The following NEO1 variants were observed in gnomAD, a reference collection of about 807,000 sequenced individuals.
NEO1 encodes the protein neogenin.
A neutral mutation model predicts 159.7 loss-of-function variants in NEO1; 63 were observed. That is an observed-to-expected ratio of 0.39 (90% CI 0.32 to 0.49). The LOEUF (loss-of-function observed/expected upper bound fraction) is 0.49. Ranked by LOEUF, NEO1 falls within the 20% of genes least tolerant of loss-of-function variation. NEO1 has a pLI of 0.85. For synonymous variants in NEO1, 633 were observed against 662.0 expected (o/e 0.96, Z 0.67); for missense variants, 1,615 against 1,831.0 (o/e 0.88, Z 2.15).
chr15:73,143,958 G>C (rs1262337086), intron 5 of NEO1, among the ~76,000 whole-genome samples: 2 of 152,132 alleles, frequency 1.3e-5, no homozygotes, highest in Non-Finnish European at 2.9e-5. Context: ...ACAGGAACTG[G>C]TCTTACTCAT....
chr15:73,150,934 T>C (rs528254919), intron 5 of NEO1, among the ~76,000 whole-genome samples: 12 of 152,346 alleles, frequency 7.9e-5, no homozygotes, highest in Admixed American at 7.8e-4. Context: ...TCACAAAGCA[T>C]AACGTATTTG....
intron 1 of NEO1, among the ~76,000 whole-genome samples, chr15:73,106,893 A>G (rs1341357642): frequency 6.6e-6 from 1 of 152,182 alleles, no homozygotes. Context: ...AATAATTCCC[A>G]TTCTGTCTTA....
intron 7 of NEO1, among the ~76,000 whole-genome samples, chr15:73,200,175 T>G (rs781597919): frequency 1.3e-5 from 2 of 152,198 alleles, no homozygotes; most frequent in African/African-American, 2.4e-5. Flanking sequence ...AGTGCATTCT[T>G]TTTTTTGAAG....
intron 1 of NEO1, among the ~76,000 whole-genome samples, chr15:73,083,555 C>G (rs2069187564): frequency 6.6e-6 from 1 of 152,104 alleles, no homozygotes; most frequent in Admixed American, 6.6e-5. Context: ...GTATTTTTTA[C>G]TCTGCCTTCA....
At chr15:73,290,904 G>A (rs766441073) in intron 25 of NEO1, among the ~76,000 whole-genome samples, 2 of 152,154 alleles carry the variant, frequency 1.3e-5, no homozygotes, top group Non-Finnish European at 2.9e-5. Flanking sequence ...CTTCAAGCAC[G>A]TGGATGTCTG....
chr15:73,209,171 T>C (rs550689171), intron 7 of NEO1, among the ~76,000 whole-genome samples: 1 of 152,236 alleles, frequency 6.6e-6, no homozygotes, highest in Non-Finnish European at 1.5e-5. Context: ...AGAATAAATA[T>C]GTCTTTTCTT....
At chr15:73,289,753 G>T (rs1387902217) in intron 25 of NEO1, among the ~76,000 whole-genome samples, 1 of 152,066 alleles carries the variant, frequency 6.6e-6, no homozygotes, top group Non-Finnish European at 1.5e-5. Flanking sequence ...GACCAGCCTG[G>T]GCAATGTAGT....
intron 5 of NEO1, among the ~76,000 whole-genome samples, chr15:73,150,867 C>CT: frequency 1.3e-5 from 2 of 152,268 alleles, no homozygotes; most frequent in Non-Finnish European, 2.9e-5. Flanking sequence ...TTTGTCTGTC[C>CT]TAAAGCTTCT....
chr15:73,261,822 T>A (rs372290395), intron 15 of NEO1, among the ~76,000 whole-genome samples: 1 of 152,126 alleles, frequency 6.6e-6, no homozygotes, highest in South Asian at 2.1e-4. Context: ...TCAAAGGAAC[T>A]AGAATAGACA....
intron 1 of NEO1, among the ~76,000 whole-genome samples, chr15:73,094,469 G>C (rs913253630): frequency 7.2e-5 from 11 of 152,142 alleles, no homozygotes; most frequent in African/African-American, 2.4e-4. Context: ...ATTAGTTGAA[G>C]GACATTGGTT....
chr15:73,069,336 GAGCACAGATGTC>G (rs1183636577), intron 1 of NEO1, among the ~76,000 whole-genome samples: 2 of 151,896 alleles, frequency 1.3e-5, no homozygotes, highest in African/African-American at 4.8e-5. Context: ...CAGATTTTGG[GAGCACAGATGTC>G]AGCACGTTCT....
At chr15:73,208,888 TA>T (rs1230179123) in intron 7 of NEO1, among the ~76,000 whole-genome samples, 3 of 151,924 alleles carry the variant, frequency 2.0e-5, no homozygotes, top group Non-Finnish European at 2.9e-5. Context: ...AAAATAAAAA[TA>T]AAAACAAAAA....
At position 73,137,114 on chromosome 15, in the gene NEO1, CAT is replaced by C. The variant is rs919661673; in HGVS notation, c.1015+1094_1015+1095del. ...ACCTGGCCTTTAGTGCTTTCACAAA[CAT>C]ATATATTACCAGAGTGGTTGGTACC... On this transcript the variant is annotated intron_variant, in intron 5 of 28. Transcript: ENST00000261908. 6.4e-4 allele frequency among the ~76,000 whole-genome samples: 97 copies of C among 152,246 alleles called. 1 individual carries two copies. In the Middle Eastern group the frequency reaches 0.01, roughly 16 times the overall value.
At chr15:73,184,639 C>T (rs2035813064) in intron 7 of NEO1, among the ~76,000 whole-genome samples, 2 of 152,152 alleles carry the variant, frequency 1.3e-5, no homozygotes, top group Admixed American at 6.5e-5. Context: ...AAAGAAATGA[C>T]CTACCAGGCC....
Position 73,274,065 on chromosome 15 carries a change from C to G in NEO1, c.3160+60C>G, listed in dbSNP as rs979072941. ...TCTCTTTAGTGGGGCTATGCTGACA[C>G]TATCACTTGAGCATATAGAGTCTGT... On this transcript the variant is annotated intron_variant, in intron 20 of 28. Transcript: ENST00000261908. 2.7e-6 allele frequency: 4 copies of G among 1,479,826 alleles called. No homozygotes were observed. The African/African-American group carries it at 5.6e-5, about 21-fold the overall frequency. 91.7% of individuals were successfully genotyped at this position (1,479,826 alleles called of 1,614,324 possible).
chr15:73,130,489 G>A (rs545247680), intron 4 of NEO1, among the ~76,000 whole-genome samples: 1 of 152,262 alleles, frequency 6.6e-6, no homozygotes, highest in South Asian at 2.1e-4. Flanking sequence ...CAAGACAAAA[G>A]CTGTTAGACT....
intron 7 of NEO1, among the ~76,000 whole-genome samples, chr15:73,223,070 G>A (rs1453457764): frequency 6.6e-6 from 1 of 152,158 alleles, no homozygotes; most frequent in Non-Finnish European, 1.5e-5. Context: ...TTCAGGAGCA[G>A]GTTATTTAAT....
At chr15:73,242,839 G>A (rs2150899125) in intron 8 of NEO1, among the ~76,000 whole-genome samples, 1 of 152,306 alleles carries the variant, frequency 6.6e-6, no homozygotes, top group South Asian at 2.1e-4. Context: ...AGAGGTGGAG[G>A]AAATGGAAGC....
At chr15:73,243,096 C>G (rs1337461157) in intron 8 of NEO1, among the ~76,000 whole-genome samples, 1 of 152,172 alleles carries the variant, frequency 6.6e-6, no homozygotes, top group Non-Finnish European at 1.5e-5. Flanking sequence ...TCTCAAGTAT[C>G]TCTGAAAAAT....
Sources: gnomAD v4.1 joint callset for allele counts (sites outside exome capture counted in the v4.1 genomes callset) on GRCh38, gnomAD v4.1.1 for gene constraint, MANE v1.5 for transcripts, NCBI Gene and HGNC (gene_info 2026-07-23, HGNC 2026-07-21) for gene names.